Variants in MTREX observed in about 807,000 individuals in gnomAD.
MTREX encodes the protein Mtr4 exosome RNA helicase.
Under a neutral mutation model 135.4 loss-of-function variants are expected in MTREX, and 76 were observed. The ratio of observed to expected loss-of-function variants is 0.56; its 90% CI spans 0.47 to 0.68. MTREX has a LOEUF of 0.68. Among genes scored for constraint, MTREX ranks in the 30% least tolerant of loss-of-function variants. The pLI is 0.00. For missense variants in MTREX, 920 were observed against 1,262.1 expected (o/e 0.73, Z 4.11); for synonymous variants, 404 against 401.6 (o/e 1.01, Z -0.07).
intron 21 of MTREX, chr5:55,405,108 T>C (rs1246507869): frequency 2.2e-5 from 4 of 180,432 alleles, no homozygotes; most frequent in African/African-American, 9.5e-5. Flanking sequence ...CTGTTCTCTG[T>C]CTCAAGCTTT....
intron 11 of MTREX, among the ~76,000 whole-genome samples, chr5:55,348,315 G>C (rs888287438): frequency 6.6e-6 from 1 of 152,096 alleles, no homozygotes; most frequent in Non-Finnish European, 1.5e-5. Context: ...CTCTGATAAA[G>C]GCATTAATCC....
intron 7 of MTREX, among the ~76,000 whole-genome samples, 159 bp downstream of exon 7, chr5:55,341,930 CAG>C (rs10592648): frequency 0.14 from 20,622 of 152,008 alleles, 1,707 homozygotes; most frequent in East Asian, 0.26. Flanking sequence ...ATTTTTGAAA[CAG>C]AGTTTCACTC....
intron 15 of MTREX, among the ~76,000 whole-genome samples, chr5:55,361,433 C>T (rs1750006214): frequency 6.6e-6 from 1 of 152,112 alleles, no homozygotes; most frequent in Non-Finnish European, 1.5e-5. Flanking sequence ...TACATTCATA[C>T]ACACACACAT....
At chr5:55,395,213 C>G (rs1051649926) in intron 19 of MTREX, among the ~76,000 whole-genome samples, 2 of 151,924 alleles carry the variant, frequency 1.3e-5, no homozygotes, top group Non-Finnish European at 2.9e-5. Context: ...CGAGACCAGC[C>G]TGATCAACAT....
At position 55,409,749 on chromosome 5, in the gene MTREX, T is replaced by G. The variant is rs559835962; in HGVS notation, c.2646-775T>G. 2.6e-5 allele frequency among the ~76,000 whole-genome samples: 4 copies of G among 152,352 alleles called. No individual in the cohort carries two copies. The South Asian group carries it at 6.2e-4, about 24-fold the overall frequency. On this transcript the variant is annotated intron_variant, in intron 22 of 26. Transcript: ENST00000230640. ...GTGCAAGAAGAAACAGACGTAGTGATGAGCTAGTACCTACCTGTTAGAGAT... is the reference window on the plus strand; with the variant it reads ...GTGCAAGAAGAAACAGACGTAGTGAGGAGCTAGTACCTACCTGTTAGAGAT...
chr5:55,409,259 GAT>G (rs142914070), intron 22 of MTREX, among the ~76,000 whole-genome samples: 6 of 150,778 alleles, frequency 4.0e-5, no homozygotes, highest in African/African-American at 1.2e-4. Context: ...TATTTCTAGG[GAT>G]ATATATATAT....
At chr5:55,422,656 C>T (rs1262849131) in intron 25 of MTREX, among the ~76,000 whole-genome samples, 1 of 152,172 alleles carries the variant, frequency 6.6e-6, no homozygotes, top group Non-Finnish European at 1.5e-5. Context: ...TACCAAGTGT[C>T]AGCATGTTAG....
intron 15 of MTREX, among the ~76,000 whole-genome samples, chr5:55,360,986 AC>A (rs1749997649): frequency 6.6e-6 from 1 of 152,102 alleles, no homozygotes; most frequent in South Asian, 2.1e-4. Context: ...CTGCTTTTGA[AC>A]TCAGGCAGTC....
intron 5 of MTREX, among the ~76,000 whole-genome samples, chr5:55,339,782 G>C (rs915210495): frequency 6.6e-6 from 1 of 152,134 alleles, no homozygotes; most frequent in African/African-American, 2.4e-5. Context: ...ATTGCTATTA[G>C]TGACTAAGTT....
chr5:55,398,648 T>G (rs1750680235), intron 20 of MTREX, among the ~76,000 whole-genome samples: 2 of 152,234 alleles, frequency 1.3e-5, no homozygotes, highest in African/African-American at 2.4e-5. Flanking sequence ...TGCCATTATT[T>G]TGAAAAAACT....
intron 5 of MTREX, among the ~76,000 whole-genome samples, chr5:55,329,024 T>C (rs2112040566): frequency 6.6e-6 from 1 of 152,318 alleles, no homozygotes; most frequent in East Asian, 1.9e-4. Flanking sequence ...AGAAAAACAC[T>C]CAGGCTTTCA....
intron 4 of MTREX, among the ~76,000 whole-genome samples, chr5:55,328,434 A>G (rs944616390): frequency 2.6e-5 from 4 of 152,196 alleles, no homozygotes; most frequent in African/African-American, 9.7e-5. Context: ...GTAAATGGTA[A>G]TGATTATTTT....
rs1750031619 is a variant in MTREX at position 55,362,489 on chromosome 5, T to A, written c.1659+3791T>A. Among the ~76,000 whole-genome samples the A allele has an allele frequency of 2.6e-5, 4 of 152,120 alleles. No homozygotes were observed. In the South Asian group the frequency reaches 6.2e-4, roughly 24 times the overall value. ...GATTCTCCTACCTCAGCCTCCCAAGTAGCTGAGATTACAGGCATGTGCCGC... is the reference window on the plus strand; with the variant it reads ...GATTCTCCTACCTCAGCCTCCCAAGAAGCTGAGATTACAGGCATGTGCCGC... On this transcript the variant is annotated intron_variant, in intron 15 of 26. Transcript: ENST00000230640.
At chr5:55,326,845 C>T (rs144843419) in intron 3 of MTREX, among the ~76,000 whole-genome samples, 3,258 of 152,258 alleles carry the variant, frequency 0.021, 43 homozygotes, top group Non-Finnish European at 0.032. Flanking sequence ...CTATCCCTCC[C>T]CTAGCCCCCC....
intron 22 of MTREX, among the ~76,000 whole-genome samples, chr5:55,405,936 G>C (rs956782083): frequency 6.6e-6 from 1 of 151,922 alleles, no homozygotes; most frequent in Non-Finnish European, 1.5e-5. Context: ...TTAATGCCTT[G>C]TGGGATTTTT....
In MTREX at chr5:55,399,614, A is replaced by G. The variant is rs188299566; in HGVS notation, c.2293-619A>G. 3.1e-3 allele frequency among the ~76,000 whole-genome samples: 473 copies of G among 151,984 alleles called. 2 individuals are homozygous for G. Among genetic ancestry groups the G allele is most frequent in the Non-Finnish European group, 2.7e-3 (181 of 67,972 alleles). On this transcript the variant is annotated intron_variant, in intron 20 of 26. Transcript: ENST00000230640. The stretch of plus-strand genomic sequence containing the variant: ...GCCATTCTCTTGCCTCAGCCTCCCT[A>G]GTAGCTGGGACTACAGGCGCCCACC...
intron 14 of MTREX, 83 bp from the exon 15 acceptor site, chr5:55,358,490 A>C: frequency 1.7e-6 from 2 of 1,197,680 alleles, no homozygotes; most frequent in Admixed American, 3.0e-5. Flanking sequence ...ACTTGTTATA[A>C]ATTTTATAAA....
chr5:55,383,459 A>G (rs982015493), intron 18 of MTREX, among the ~76,000 whole-genome samples: 4 of 152,036 alleles, frequency 2.6e-5, no homozygotes, highest in African/African-American at 9.7e-5. Context: ...CTTGGTTAAC[A>G]GTTGTTTGTT....
chr5:55,309,152 AGTTT>A (rs371686607), intron 1 of MTREX, among the ~76,000 whole-genome samples: 100 of 152,268 alleles, frequency 6.6e-4, no homozygotes, highest in African/African-American at 2.0e-3. Context: ...AATGGTGCCA[AGTTT>A]GTTTGTTTTT....
Sources: allele counts gnomAD v4.1 joint callset (sites outside exome capture counted in the v4.1 genomes callset), GRCh38; gene constraint gnomAD v4.1.1; transcripts MANE v1.5; gene names NCBI Gene and HGNC (gene_info 2026-07-23, HGNC 2026-07-21).